Variants in TERF1 observed in about 807,000 individuals in gnomAD.
The protein encoded by TERF1 is telomeric repeat binding factor 1.
A neutral mutation model predicts 55.1 loss-of-function variants in TERF1; 20 were observed. That is an observed-to-expected ratio of 0.36 (90% CI 0.26 to 0.53). TERF1 has a LOEUF of 0.53. TERF1 is among the 20% of genes least tolerant of loss of function. The pLI is 0.91. For missense variants in TERF1, 439 were observed against 535.7 expected (o/e 0.82, Z 1.78); for synonymous variants, 168 against 181.2 (o/e 0.93, Z 0.59).
chr8:73,013,050 T>C, intron 1 of TERF1: 2 of 370,928 alleles, frequency 5.4e-6, no homozygotes, highest in South Asian at 2.0e-5. Flanking sequence ...CATAAGATTA[T>C]GTTAGAATTG....
intron 4 of TERF1, among the ~76,000 whole-genome samples, chr8:73,024,593 A>G (rs574504382): frequency 6.6e-6 from 1 of 152,308 alleles, no homozygotes; most frequent in East Asian, 1.9e-4. Flanking sequence ...TTTATAATAC[A>G]TATCTTTTTG....
intron 9 of TERF1, among the ~76,000 whole-genome samples, chr8:73,043,798 A>C (rs1441754052): frequency 2.0e-5 from 3 of 152,258 alleles, no homozygotes; most frequent in Non-Finnish European, 4.4e-5. Flanking sequence ...ACTACAGCTC[A>C]GATAAGAACA....
At chr8:73,010,540 A>G (rs1808241912) in intron 1 of TERF1, 1 of 152,220 alleles carries the variant, frequency 6.6e-6, no homozygotes, top group Non-Finnish European at 1.5e-5. Context: ...TGTCAGATAA[A>G]AGGGCACAGA....
intron 7 of TERF1, 126 bp downstream of exon 7, chr8:73,030,521 C>T (rs111570622): frequency 1.7e-6 from 1 of 583,484 alleles, no homozygotes; most frequent in African/African-American, 2.0e-5. Flanking sequence ...CCTAGTTAGC[C>T]CAACAGATAG....
rs1808148285 is a variant in TERF1, at chr8:73,008,996, A to G, written c.110A>G (p.Glu37Gly). ...GCAGAAACAGAGAGAAACGACGAGG[A>G]GCAGTTCGAATGCCAGGAACTGCTC... ...QMAETERNDE[E>G]QFECQELLEC... The change falls in exon 1 of 10, where the codon GAG (glutamate) becomes GGG (glycine). Residue 37 changes from glutamate to glycine, a missense_variant. Coordinates refer to ENST00000276603, the MANE Select transcript of TERF1 (RefSeq NM_017489.3). 6.2e-7 allele frequency: 1 copy of G among 1,612,266 alleles called. No homozygotes were observed.
At chr8:73,016,820 A>G (rs1008618380) in intron 2 of TERF1, among the ~76,000 whole-genome samples, 8 of 152,130 alleles carry the variant, frequency 5.3e-5, no homozygotes, top group African/African-American at 1.9e-4. Flanking sequence ...GCCAGCCCCA[A>G]GGAAACCACC....
intron 6 of TERF1, among the ~76,000 whole-genome samples, chr8:73,027,669 T>C (rs1482050113): frequency 6.6e-6 from 1 of 152,196 alleles, no homozygotes; most frequent in African/African-American, 2.4e-5. Context: ...GATCTTCTTT[T>C]CTGTTGAACC....
chr8:73,044,514 T>C (rs981154758), intron 9 of TERF1, among the ~76,000 whole-genome samples: 1 of 152,206 alleles, frequency 6.6e-6, no homozygotes, highest in Non-Finnish European at 1.5e-5. Flanking sequence ...ACAATTGAAC[T>C]GGATTTTTTT....
intron 2 of TERF1, among the ~76,000 whole-genome samples, chr8:73,014,565 G>GA (rs761416197): frequency 4.6e-5 from 7 of 152,244 alleles, no homozygotes; most frequent in Non-Finnish European, 8.8e-5. Flanking sequence ...AATGGGCAAG[G>GA]CTGATTCAGT....
chr8:73,015,072 G>A (rs1440434487), intron 2 of TERF1, among the ~76,000 whole-genome samples: 1 of 152,168 alleles, frequency 6.6e-6, no homozygotes, highest in Non-Finnish European at 1.5e-5. Context: ...CAGTTGTTCA[G>A]CACATCTTAG....
intron 2 of TERF1, among the ~76,000 whole-genome samples, chr8:73,018,495 G>A (rs909401198): frequency 3.3e-5 from 5 of 152,046 alleles, no homozygotes; most frequent in African/African-American, 4.8e-5. Flanking sequence ...GGCCAACATG[G>A]CAAAACCCCG....
chr8:73,013,887 T>C lies in TERF1; in HGVS notation c.320-8T>C. 6.3e-7 allele frequency: 1 copy of C among 1,586,972 alleles called. No individual in the cohort carries two copies. The highest frequency in any genetic ancestry group is 8.6e-7 in the Non-Finnish European group (1 of 1,165,778). The stretch of plus-strand genomic sequence containing the variant: ...ATTTTAATAAAATTTACTTTTTTTC[T>C]TTTTTAGCTATTATTCATGGACTAT... On this transcript the variant is annotated splice_polypyrimidine_tract_variant and splice_region_variant and intron_variant, in intron 1 of 9. Transcript: ENST00000276603.
intron 2 of TERF1, 109 bp from the exon 3 acceptor site, chr8:73,020,575 C>A: frequency 1.2e-6 from 1 of 830,802 alleles, no homozygotes; most frequent in Non-Finnish European, 1.7e-6. Flanking sequence ...AAGAAGAGTA[C>A]CTAGCACATA....
rs1285095310 is a variant in TERF1 at position 73,037,701 on chromosome 8, ATATTATAT to A, written c.1040-1411_1040-1404del. Among the ~76,000 whole-genome samples the A allele has an allele frequency of 4.3e-3, 67 of 15,724 alleles. 2 individuals are homozygous for A. Among genetic ancestry groups the A allele is most frequent in the Middle Eastern group, 0.14 (2 of 14 alleles). The allele number at this position is 15,724 out of a possible 152,430, so 10.3% of individuals were successfully genotyped here. A position where few individuals can be genotyped will look rare whatever the true frequency, so the allele number is the denominator to read the frequency against. ...TATATAATATATATTATATAGTATA[ATATTATAT>A]TATATATAATATATATTATATAGTA... On this transcript the variant is annotated intron_variant, in intron 8 of 9. Transcript: ENST00000276603.
intron 4 of TERF1, 88 bp from the exon 5 acceptor site, chr8:73,024,734 T>G: frequency 2.1e-6 from 2 of 968,648 alleles, no homozygotes; most frequent in Middle Eastern, 3.3e-4. Flanking sequence ...TAAAGTGATT[T>G]CTTTTCAATT....
At chr8:73,012,517 A>C (rs1369739152) in intron 1 of TERF1, 1 of 154,206 alleles carries the variant, frequency 6.5e-6, no homozygotes, top group Non-Finnish European at 1.4e-5. Flanking sequence ...AAAAAATACA[A>C]AAAAAATTAG....
In TERF1 at chr8:73,048,095, A is replaced by G. The variant is rs1810112139; in HGVS notation, c.*1958A>G. The G allele has an allele frequency of 1.3e-5, 2 of 152,364 alleles. No homozygotes were observed. The highest frequency in any genetic ancestry group is 1.5e-5 in the Non-Finnish European group (1 of 68,028). 9.4% of individuals were successfully genotyped at this position (152,364 alleles called of 1,614,324 possible). ...AAAAAAGAGAAATTGTAAGCAAAATAAGTTGGGTAATATATTCCTAAAACC... is the reference window on the plus strand; with the variant it reads ...AAAAAAGAGAAATTGTAAGCAAAATGAGTTGGGTAATATATTCCTAAAACC... On this transcript the variant is annotated 3_prime_UTR_variant, in exon 10 of 10. Coordinates refer to ENST00000276603, the MANE Select transcript of TERF1 (RefSeq NM_017489.3).
At chr8:73,012,172 GA>G (rs1471648714) in intron 1 of TERF1, 1 of 152,228 alleles carries the variant, frequency 6.6e-6, no homozygotes, top group Non-Finnish European at 1.5e-5. Context: ...GGAGTAAGGG[GA>G]AGGGCTGGTC....
At chr8:73,037,681 AAT>A (rs1482980832) in intron 8 of TERF1, among the ~76,000 whole-genome samples, 1,879 of 65,910 alleles carry the variant, frequency 0.029, 114 homozygotes, top group African/African-American at 0.091. Context: ...TATTATATAT[AAT>A]ATATATTATA....
Sources: gnomAD v4.1 joint callset for allele counts (sites outside exome capture counted in the v4.1 genomes callset) on GRCh38, gnomAD v4.1.1 for gene constraint, MANE v1.5 for transcripts, NCBI Gene and HGNC (gene_info 2026-07-23, HGNC 2026-07-21) for gene names.